Variants in ZFAND3 observed in about 807,000 individuals in gnomAD.
ZFAND3 encodes the protein AN1-type zinc finger protein 3.
ZFAND3 carries 10 observed loss-of-function variants against 29.6 expected under a neutral mutation model. That is an observed-to-expected ratio of 0.34 (90% confidence interval 0.21 to 0.57). ZFAND3 has a LOEUF of 0.57. Among genes scored for constraint, ZFAND3 ranks in the 20% least tolerant of loss-of-function variants. The probability of loss-of-function intolerance (pLI) is 0.86; values close to 1 mark genes in which losing one functional copy is unlikely to be tolerated. For missense variants in ZFAND3, 230 were observed against 304.5 expected, an observed-to-expected ratio of 0.76 and a Z score of 1.82; for synonymous variants, 128 against 112.6, an observed-to-expected ratio of 1.14 and a Z score of -0.87.
intron 2 of ZFAND3, among the ~76,000 whole-genome samples, chr6:38,031,806 C>G (rs940714288): frequency 6.6e-6 from 1 of 152,060 alleles, no homozygotes; most frequent in African/African-American, 2.4e-5. Flanking sequence ...TATGTAGACT[C>G]CAACTTACAG....
chr6:38,109,756 C>A lies in ZFAND3; in HGVS notation c.362-6816C>A, dbSNP rs187741427. Among the ~76,000 whole-genome samples, 468 of 152,226 alleles carry A rather than the reference C, an allele frequency of 3.1e-3. 3 individuals carry two copies. Among genetic ancestry groups the A allele is most frequent in the African/African-American group, 0.011 (445 of 41,530 alleles). ...AGGGCATATGATAATTTTATTATGA[C>A]TCCTGACTTCTGTGTGTTCTGCGGC... is the stretch of plus-strand genomic sequence containing the variant. On this transcript the variant is annotated intron_variant, in intron 4 of 5. Transcript: ENST00000287218.
At chr6:37,833,489 T>G (rs964709740) in intron 1 of ZFAND3, among the ~76,000 whole-genome samples, 3 of 152,138 alleles carry the variant, frequency 2.0e-5, no homozygotes, top group Non-Finnish European at 2.9e-5. Flanking sequence ...TGACTTAGTT[T>G]ACTGCAAACA....
At chr6:37,840,754 C>G (rs1277544134) in intron 1 of ZFAND3, among the ~76,000 whole-genome samples, 2 of 152,176 alleles carry the variant, frequency 1.3e-5, no homozygotes, top group African/African-American at 4.8e-5. Context: ...CTTTCAACAA[C>G]ATTTTGTAGT....
At chr6:38,130,060 T>G (rs1217825900) in intron 5 of ZFAND3, among the ~76,000 whole-genome samples, 1 of 150,778 alleles carries the variant, frequency 6.6e-6, no homozygotes, top group East Asian at 1.9e-4. Flanking sequence ...ATTCCTAAGT[T>G]TTCATTTTGA....
At chr6:38,038,145 C>T (rs1336292271) in intron 2 of ZFAND3, among the ~76,000 whole-genome samples, 1 of 152,154 alleles carries the variant, frequency 6.6e-6, no homozygotes. Flanking sequence ...TCAGCTGGCC[C>T]GAGGCCTCTA....
At chr6:38,043,112 GA>G (rs1322414078) in intron 2 of ZFAND3, among the ~76,000 whole-genome samples, 1 of 152,116 alleles carries the variant, frequency 6.6e-6, no homozygotes, top group Non-Finnish European at 1.5e-5. Context: ...TACAAAGTCA[GA>G]AGTTTTATAA....
At chr6:38,122,860 G>A (rs1225220414) in intron 5 of ZFAND3, among the ~76,000 whole-genome samples, 1 of 152,288 alleles carries the variant, frequency 6.6e-6, no homozygotes, top group Non-Finnish European at 1.5e-5. Context: ...CACAATTGGG[G>A]CTTTAAAGGA....
chr6:38,027,583 G>A (rs557558440), intron 2 of ZFAND3, among the ~76,000 whole-genome samples: 15 of 152,318 alleles, frequency 9.8e-5, no homozygotes, highest in African/African-American at 1.4e-4. Context: ...AGTGGTATAT[G>A]TGTGTAACTT....
At chr6:37,959,675 T>C (rs1762159664) in intron 2 of ZFAND3, among the ~76,000 whole-genome samples, 1 of 152,252 alleles carries the variant, frequency 6.6e-6, no homozygotes, top group Non-Finnish European at 1.5e-5. Flanking sequence ...CTTACACTTG[T>C]GATCCTTGCT....
Position 38,066,526 on chromosome 6 carries a change from C to A in ZFAND3, c.295+4751C>A, listed in dbSNP as rs558518012. The stretch of plus-strand genomic sequence containing the variant: ...AATTTGGGATGCCAAATCCAAGTAC[C>A]GTGAAATTTGTAAACTATTTAGTAG... On this transcript the variant is annotated intron_variant, in intron 3 of 5. Transcript: ENST00000287218. Among the ~76,000 whole-genome samples the A allele has an allele frequency of 4.6e-5, 7 of 152,244 alleles. No individual in the cohort carries two copies. In the East Asian group the frequency reaches 1.3e-3, roughly 29 times the overall value.
chr6:37,953,083 C>A (rs1435942150), intron 2 of ZFAND3, among the ~76,000 whole-genome samples: 3 of 152,042 alleles, frequency 2.0e-5, no homozygotes, highest in African/African-American at 7.2e-5. Context: ...TACTACAAGT[C>A]TTTACCTTTT....
chr6:38,105,127 G>T (rs79146214), intron 4 of ZFAND3, among the ~76,000 whole-genome samples: 6,931 of 152,280 alleles, frequency 0.046, 462 homozygotes, highest in African/African-American at 0.14. Flanking sequence ...AGAGCATTTA[G>T]AAGGTGCTGA....
rs1491155525 is a variant in ZFAND3 at position 38,097,248 on chromosome 6, C to CTTTT, written c.361+14791_361+14792insTTTT. On this transcript the variant is annotated intron_variant, in intron 4 of 5. Transcript: ENST00000287218. ...GCACCAGCACACCCGGTTAATTTTT[C>CTTTT]ATTTTTTTTTTTTTTTTTTTTAAGA... Among the ~76,000 whole-genome samples the CTTTT allele has an allele frequency of 5.7e-3, 705 of 124,030 alleles. 9 individuals are homozygous for CTTTT. Among genetic ancestry groups the CTTTT allele is most frequent in the African/African-American group, 0.02 (650 of 33,266 alleles). The allele number at this position is 124,030 out of a possible 152,430, so 81.4% of individuals were successfully genotyped here. A position where few individuals can be genotyped will look rare whatever the true frequency, so the allele number is the denominator to read the frequency against.
At chr6:37,907,507 C>A (rs1250808677) in intron 1 of ZFAND3, among the ~76,000 whole-genome samples, 1 of 152,174 alleles carries the variant, frequency 6.6e-6, no homozygotes. Flanking sequence ...TGACTAGCTT[C>A]TCTCACTGAA....
intron 5 of ZFAND3, among the ~76,000 whole-genome samples, chr6:38,138,554 C>G (rs1765887411): frequency 6.6e-6 from 1 of 152,208 alleles, no homozygotes; most frequent in Admixed American, 6.5e-5. Flanking sequence ...CATTCCAGCC[C>G]TGCTGGCTGC....
chr6:37,843,568 G>C (rs762588269), intron 1 of ZFAND3, among the ~76,000 whole-genome samples: 3 of 152,036 alleles, frequency 2.0e-5, no homozygotes, highest in Admixed American at 2.0e-4. Context: ...CTCTGAAGCT[G>C]AAATCAGATC....
chr6:37,844,725 C>T (rs972337306), intron 1 of ZFAND3, among the ~76,000 whole-genome samples: 2 of 151,166 alleles, frequency 1.3e-5, no homozygotes, highest in African/African-American at 4.9e-5. Context: ...TCTTAAAAAG[C>T]AATTATCGGC....
intron 1 of ZFAND3, among the ~76,000 whole-genome samples, chr6:37,910,349 A>G (rs1765497349): frequency 6.6e-6 from 1 of 152,216 alleles, no homozygotes; most frequent in Non-Finnish European, 1.5e-5. Context: ...GTAAGTGCCT[A>G]AGTAATTGTT....
In ZFAND3 at chr6:37,927,053, GTTATA is replaced by G. The variant is rs542116808; in HGVS notation, c.72-2901_72-2897del. On this transcript the variant is annotated intron_variant, in intron 1 of 5. Coordinates refer to ENST00000287218, the MANE Select transcript of ZFAND3 (RefSeq NM_021943.3). ...TCTGTTTTGAGTAATAATATCAGTAGTTATATTATTTCTTTTATAACCTGATTGAC... is the reference window on the plus strand; with the variant it reads ...TCTGTTTTGAGTAATAATATCAGTAGTTATTTCTTTTATAACCTGATTGAC... Among the ~76,000 whole-genome samples, 261 of 152,246 alleles carry G rather than the reference GTTATA, an allele frequency of 1.7e-3. 1 individual carries two copies. The highest frequency in any genetic ancestry group is 5.9e-3 in the African/African-American group (247 of 41,536).
Sources: gnomAD v4.1 joint callset for allele counts (sites outside exome capture counted in the v4.1 genomes callset) on GRCh38, gnomAD v4.1.1 for gene constraint, MANE v1.5 for transcripts, NCBI Gene and HGNC (gene_info 2026-07-23, HGNC 2026-07-21) for gene names.